PSIP1: variants seen among roughly 807,000 people sequenced by gnomAD.
PSIP1 encodes the protein PC4 and SFRS1-interacting protein.
A neutral mutation model predicts 74.7 loss-of-function variants in PSIP1; 19 were observed. That is an observed-to-expected ratio of 0.25 (90% CI 0.18 to 0.37). The LOEUF is 0.37. Ranked by LOEUF, PSIP1 falls within the 10% of genes least tolerant of loss-of-function variation. The probability of loss-of-function intolerance (pLI) is 1.00; values close to 1 mark genes in which losing one functional copy is unlikely to be tolerated. For synonymous variants in PSIP1, 222 were observed against 195.3 expected (o/e 1.14, Z -1.14); for missense variants, 601 against 614.3 (o/e 0.98, Z 0.23).
chr9:15,497,483 C>A (rs534569492), intron 3 of PSIP1, among the ~76,000 whole-genome samples: 25 of 152,168 alleles, frequency 1.6e-4, no homozygotes, highest in Non-Finnish European at 3.5e-4. Context: ...TGTGCAACCA[C>A]GCCTGGCTAC....
Position 15,474,049 on chromosome 9 carries a change from G to A in PSIP1, c.818C>T (p.Ser273Phe). 6.2e-7 allele frequency: 1 copy of A among 1,613,218 alleles called. No homozygotes were observed. The highest frequency in any genetic ancestry group is 8.5e-7 in the Non-Finnish European group (1 of 1,179,836). The change falls in exon 9 of 16, where the codon TCC (serine) becomes TTC (phenylalanine). Residue 273 changes from serine (S) to phenylalanine (F), a missense_variant. Ser to Phe is a radical substitution (Grantham distance 155). Transcript: ENST00000380733. ...ATCATCTCCTTCTTCTTCAGAATCG[G>A]AGGTTGAAGTAACCCCTGTTTTAGC... ...NLAKTGVTST[S>F]DSEEEGDDQE...
chr9:15,486,653 GTTGT>G (rs1396593654), intron 5 of PSIP1, among the ~76,000 whole-genome samples, 170 bp downstream of exon 5: 2 of 152,122 alleles, frequency 1.3e-5, no homozygotes, highest in Non-Finnish European at 2.9e-5. Context: ...AGATGCATAA[GTTGT>G]TTGACAATAC....
chr9:15,472,408 CA>C (rs1293347097), intron 10 of PSIP1: 20 of 1,340,906 alleles, frequency 1.5e-5, no homozygotes, highest in Non-Finnish European at 7.6e-6. Flanking sequence ...CGTTTAAATT[CA>C]AAAATAATTC....
chr9:15,481,029 A>C (rs2036313601), intron 6 of PSIP1, among the ~76,000 whole-genome samples: 1 of 152,242 alleles, frequency 6.6e-6, no homozygotes, highest in East Asian at 1.9e-4. Context: ...AAACATAATG[A>C]AGCATATTAA....
intron 3 of PSIP1, among the ~76,000 whole-genome samples, chr9:15,502,454 C>A (rs771674121): frequency 6.6e-6 from 1 of 152,006 alleles, no homozygotes; most frequent in Admixed American, 6.6e-5. Flanking sequence ...AATTTTTTTA[C>A]CCCCCAAGAC....
chr9:15,508,873 G>A (rs76524624), intron 2 of PSIP1, among the ~76,000 whole-genome samples: 10,534 of 152,204 alleles, frequency 0.069, 1,226 homozygotes, highest in African/African-American at 0.24. Flanking sequence ...ATCACGAAAG[G>A]AATAGATTAG....
In PSIP1 at chr9:15,503,213, A is replaced by T. The variant is rs377149876; in HGVS notation, c.149+3348T>A. Among the ~76,000 whole-genome samples, 5 of 152,014 alleles carry T rather than the reference A, an allele frequency of 3.3e-5. No individual in the cohort carries two copies. The East Asian group carries it at 7.8e-4, about 24-fold the overall frequency. Reference sequence around the variant, plus strand: ...GAAACCCCATCTCTACTAAAAACACAAAAATTAGATGGGTGTGGTGGCGGG... The same window carrying T: ...GAAACCCCATCTCTACTAAAAACACTAAAATTAGATGGGTGTGGTGGCGGG... On this transcript the variant is annotated intron_variant, in intron 3 of 15. Transcript: ENST00000380733.
At chr9:15,469,653 C>G (rs1017322565) in intron 11 of PSIP1, among the ~76,000 whole-genome samples, 7 of 152,006 alleles carry the variant, frequency 4.6e-5, no homozygotes, top group African/African-American at 1.7e-4. Flanking sequence ...TATGTTTAAC[C>G]AAGGGATTTG....
intron 4 of PSIP1, among the ~76,000 whole-genome samples, chr9:15,488,961 C>T (rs1314304143): frequency 6.6e-6 from 1 of 152,150 alleles, no homozygotes; most frequent in Non-Finnish European, 1.5e-5. Context: ...GCGGAGCTTA[C>T]AGTGAGCCAA....
rs533664838 is a variant in PSIP1, at chr9:15,498,503, GA to G, written c.149+8057del. Among the ~76,000 whole-genome samples, 1,021 of 143,638 alleles carry G rather than the reference GA, an allele frequency of 7.1e-3. 7 individuals are homozygous for G. The highest frequency in any genetic ancestry group is 0.022 in the African/African-American group (889 of 39,528). 94.2% of individuals were successfully genotyped at this position (143,638 alleles called of 152,430 possible). A position where few individuals can be genotyped will look rare whatever the true frequency, so the allele number is the denominator to read the frequency against. On this transcript the variant is annotated intron_variant, in intron 3 of 15. Coordinates refer to ENST00000380733, the MANE Select transcript of PSIP1 (RefSeq NM_033222.5). The stretch of plus-strand genomic sequence containing the variant: ...TGAGACTCAAAAATGACAGCAGATG[GA>G]AAAAAAAAAAAATCTTCCTTGGGCA...
In PSIP1 at chr9:15,501,665, T is replaced by C. The variant is rs1264544597; in HGVS notation, c.149+4896A>G. Among the ~76,000 whole-genome samples the C allele has an allele frequency of 1.3e-5, 2 of 151,936 alleles. 1 individual carries two copies. Among genetic ancestry groups the C allele is most frequent in the South Asian group, 4.2e-4 (2 of 4,814 alleles). On this transcript the variant is annotated intron_variant, in intron 3 of 15. Transcript: ENST00000380733. ...GTTTTTGGTTTTGATTCACTGCTAA[T>C]GTTAAAATAGGGAGTCACTGAAGGT...
intron 6 of PSIP1, among the ~76,000 whole-genome samples, chr9:15,482,805 G>GT (rs2036393036): frequency 6.6e-6 from 1 of 152,116 alleles, no homozygotes; most frequent in South Asian, 2.1e-4. Flanking sequence ...AAAGCACAGT[G>GT]TAACTTTACC....
chr9:15,475,217 A>G (rs1224564366), intron 8 of PSIP1, among the ~76,000 whole-genome samples: 1 of 152,150 alleles, frequency 6.6e-6, no homozygotes, highest in Non-Finnish European at 1.5e-5. Context: ...TAATGGTCCT[A>G]TGGTTTTTAT....
At chr9:15,476,580 G>A (rs1451005755) in intron 8 of PSIP1, among the ~76,000 whole-genome samples, 1 of 152,178 alleles carries the variant, frequency 6.6e-6, no homozygotes, top group South Asian at 2.1e-4. Flanking sequence ...GGGTATAGCT[G>A]CAATCCTTAA....
rs1185782168 is a variant in PSIP1 at position 15,486,943 on chromosome 9, C to T, written c.289-12G>A. The T allele has an allele frequency of 4.6e-6, 7 of 1,535,726 alleles. No homozygotes were observed. The highest frequency in any genetic ancestry group is 6.3e-6 in the Non-Finnish European group (7 of 1,118,354). On this transcript the variant is annotated splice_polypyrimidine_tract_variant and intron_variant, in intron 4 of 15. Transcript: ENST00000380733. ...TGTTTAGTTGCTGCCTGTGAGCAATCAACTCTATTAATTTCAAAAAATAAG... is the reference window on the plus strand; with the variant it reads ...TGTTTAGTTGCTGCCTGTGAGCAATTAACTCTATTAATTTCAAAAAATAAG...
At chr9:15,466,211 CT>C (rs2035615070) in intron 15 of PSIP1, among the ~76,000 whole-genome samples, 1 of 152,194 alleles carries the variant, frequency 6.6e-6, no homozygotes, top group Non-Finnish European at 1.5e-5. Flanking sequence ...AACCTCATCT[CT>C]ACTAAAAATA....
intron 2 of PSIP1, among the ~76,000 whole-genome samples, chr9:15,509,715 AGTG>A (rs2037765615): frequency 6.6e-6 from 1 of 152,156 alleles, no homozygotes; most frequent in Non-Finnish European, 1.5e-5. Flanking sequence ...CTGACATCCA[AGTG>A]TTTGTGTGTA....
intron 14 of PSIP1, chr9:15,468,230 C>A: frequency 4.7e-6 from 2 of 421,632 alleles, no homozygotes; most frequent in Admixed American, 5.2e-5. Flanking sequence ...GGTGTAGTCT[C>A]CACCTATGAG....
intron 10 of PSIP1, among the ~76,000 whole-genome samples, chr9:15,470,421 A>C (rs1401407727): frequency 1.3e-5 from 2 of 152,036 alleles, no homozygotes; most frequent in South Asian, 4.1e-4. Context: ...AATAGACTTA[A>C]GATAACACTG....
Sources: gnomAD v4.1 joint callset for allele counts (sites outside exome capture counted in the v4.1 genomes callset) on GRCh38, gnomAD v4.1.1 for gene constraint, MANE v1.5 for transcripts, NCBI Gene and HGNC (gene_info 2026-07-23, HGNC 2026-07-21) for gene names.